Variants in STRN3 observed in about 807,000 individuals in gnomAD.
STRN3 encodes the protein striatin 3, also known as striatin-3.
Under a neutral mutation model 95.6 loss-of-function variants are expected in STRN3, and 29 were observed. The ratio of observed to expected loss-of-function variants is 0.30; its 90% CI spans 0.23 to 0.41. The LOEUF (loss-of-function observed/expected upper bound fraction) is 0.41, where lower values mean the gene tolerates loss of function less well. Ranked by LOEUF, STRN3 falls within the 10% of genes least tolerant of loss-of-function variation. STRN3 has a pLI of 1.00. For missense variants in STRN3, 890 were observed against 972.1 expected, an observed-to-expected ratio of 0.92 and a Z score of 1.12; for synonymous variants, 331 against 357.6, an observed-to-expected ratio of 0.93 and a Z score of 0.84.
chr14:31,010,602 T>C (rs1882927046), intron 1 of STRN3, among the ~76,000 whole-genome samples: 1 of 152,150 alleles, frequency 6.6e-6, no homozygotes, highest in African/African-American at 2.4e-5. Context: ...TTTTTTCATA[T>C]AGCTGATTTA....
rs762540994 is a variant in STRN3, at chr14:30,919,088, A to G, written c.1118T>C (p.Leu373Pro). 15 of 1,607,200 alleles carry G rather than the reference A, an allele frequency of 9.3e-6. No individual in the cohort carries two copies. The highest frequency in any genetic ancestry group is 1.3e-5 in the Non-Finnish European group (15 of 1,175,978). Residue 373 changes from leucine (L) to proline (P), a missense_variant, in exon 9 of 18, where the codon CTC becomes CCC. By Grantham distance (98) the Leu-to-Pro change is moderately conservative (BLOSUM62 -3). Around this residue, in one of 3 missense-constraint regions of STRN3, gnomAD observed 526 missense variants for 526.3 expected, o/e 1.00. Coordinates refer to ENST00000357479, the MANE Select transcript of STRN3 (RefSeq NM_001083893.2). ...TCCCAGATCAGCTATCATGTCGTAG[A>G]GTTTTGTCCTGTTGGCCCCTGTAAA... ...KGVKRANRTK[L>P]YDMIADLGDD... is the part of the protein sequence containing the mutation.
Position 30,914,082 on chromosome 14 carries a change from A to AT in STRN3, c.1241-426dup, listed in dbSNP as rs560361189. Among the ~76,000 whole-genome samples, 25 of 152,300 alleles carry AT rather than the reference A, an allele frequency of 1.6e-4. No homozygotes were observed. The South Asian group carries it at 5.0e-3, about 30-fold the overall frequency. On this transcript the variant is annotated intron_variant, in intron 9 of 17. Coordinates refer to ENST00000357479, the MANE Select transcript of STRN3 (RefSeq NM_001083893.2). ...AAGGACCTCAAAGTAGTCATATAGTATTTTTTAAATGTTAATAGGTTGTCA... is the reference window on the plus strand; with the variant it reads ...AAGGACCTCAAAGTAGTCATATAGTATTTTTTTAAATGTTAATAGGTTGTCA...
intron 7 of STRN3, 63 bp downstream of exon 7, chr14:30,935,100 T>G (rs1878752374): frequency 6.3e-7 from 1 of 1,579,348 alleles, no homozygotes; most frequent in African/African-American, 1.4e-5. Flanking sequence ...CATATAATAT[T>G]TAATAATAAC....
intron 1 of STRN3, among the ~76,000 whole-genome samples, chr14:31,009,241 G>A (rs1318002824): frequency 1.3e-5 from 2 of 151,986 alleles, no homozygotes; most frequent in Admixed American, 6.6e-5. Flanking sequence ...AGATGACATA[G>A]CTATACACAC....
chr14:31,001,164 TATC>T (rs1419552477), intron 1 of STRN3, among the ~76,000 whole-genome samples: 1 of 152,174 alleles, frequency 6.6e-6, no homozygotes, highest in Non-Finnish European at 1.5e-5. Context: ...GAGCAGGTGA[TATC>T]ATATGAAACT....
intron 13 of STRN3, among the ~76,000 whole-genome samples, chr14:30,909,479 GA>G (rs1021347141): frequency 1.3e-5 from 2 of 149,872 alleles, no homozygotes; most frequent in African/African-American, 4.9e-5. Context: ...TTCCAAAAAA[GA>G]AAGAGAGAGA....
At chr14:30,967,922 G>C (rs1880614545) in intron 1 of STRN3, among the ~76,000 whole-genome samples, 2 of 152,124 alleles carry the variant, frequency 1.3e-5, no homozygotes, top group Non-Finnish European at 2.9e-5. Context: ...CGGGTGACTG[G>C]GGTGGTGGGG....
chr14:31,003,585 T>A (rs889526675), intron 1 of STRN3, among the ~76,000 whole-genome samples: 1 of 152,088 alleles, frequency 6.6e-6, no homozygotes, highest in Non-Finnish European at 1.5e-5. Context: ...TCTCTCGCCA[T>A]GCAATCTCTG....
intron 1 of STRN3, among the ~76,000 whole-genome samples, chr14:30,972,203 C>A (rs1257100681): frequency 6.6e-6 from 1 of 152,222 alleles, no homozygotes; most frequent in Non-Finnish European, 1.5e-5. Context: ...CACCCTGACT[C>A]ACCTGCTCCA....
At position 30,967,578 on chromosome 14, in the gene STRN3, C is replaced by T. The variant is rs991263964; in HGVS notation, c.283-11336G>A. Among the ~76,000 whole-genome samples the T allele has an allele frequency of 7.9e-5, 12 of 152,334 alleles. No individual in the cohort carries two copies. In the South Asian group the frequency reaches 1.7e-3, roughly 21 times the overall value. On this transcript the variant is annotated intron_variant, in intron 1 of 17. Coordinates refer to ENST00000357479, the MANE Select transcript of STRN3 (RefSeq NM_001083893.2). ...TAGCCTTCCTATCAAAAATCCTTAA[C>T]CCAGTAACCCGCGGATGGCCCAAAT...
At chr14:30,975,836 TA>T (rs528570710) in intron 1 of STRN3, among the ~76,000 whole-genome samples, 11,549 of 112,964 alleles carry the variant, frequency 0.1, 509 homozygotes, top group South Asian at 0.18. Flanking sequence ...CCTGGCTCTT[TA>T]AAAAAAAAAA....
chr14:30,979,652 T>C (rs920268164), intron 1 of STRN3, among the ~76,000 whole-genome samples: 4 of 152,058 alleles, frequency 2.6e-5, no homozygotes, highest in African/African-American at 9.7e-5. Context: ...CAGGCTGGAG[T>C]GCAGTGGCAC....
chr14:30,961,218 G>C (rs1238088900), intron 1 of STRN3, among the ~76,000 whole-genome samples: 2 of 151,960 alleles, frequency 1.3e-5, no homozygotes, highest in Non-Finnish European at 2.9e-5. Context: ...CAAAGAATAG[G>C]CAACACAAAG....
intron 15 of STRN3, among the ~76,000 whole-genome samples, chr14:30,904,954 C>T (rs1349220988): frequency 2.8e-5 from 4 of 141,412 alleles, no homozygotes; most frequent in African/African-American, 1.1e-4. Flanking sequence ...TAGCCAATTT[C>T]GTCAATTAAA....
chr14:30,925,457 T>C (rs1248667668), intron 8 of STRN3, among the ~76,000 whole-genome samples: 7 of 152,050 alleles, frequency 4.6e-5, no homozygotes, highest in African/African-American at 9.7e-5. Flanking sequence ...AGTTAGCAAA[T>C]AGTTTTCTTC....
intron 3 of STRN3, among the ~76,000 whole-genome samples, chr14:30,952,611 G>A (rs1337495708): frequency 6.6e-6 from 1 of 151,710 alleles, no homozygotes; most frequent in Non-Finnish European, 1.5e-5. Flanking sequence ...GAGGTGGGAG[G>A]ATTGCATGAG....
chr14:30,973,839 G>A (rs915630559), intron 1 of STRN3, among the ~76,000 whole-genome samples: 4 of 152,152 alleles, frequency 2.6e-5, no homozygotes, highest in African/African-American at 9.7e-5. Context: ...AGCAATGTAA[G>A]AAAGTACATT....
Position 30,894,795 on chromosome 14 carries a change from G to C in STRN3, c.*616C>G, listed in dbSNP as rs1478853414. The C allele has an allele frequency of 6.9e-6, 2 of 291,024 alleles. No homozygotes were observed. The highest frequency in any genetic ancestry group is 1.2e-5 in the Non-Finnish European group (2 of 165,328). 18.0% of individuals were successfully genotyped at this position (291,024 alleles called of 1,614,324 possible). Reference sequence around the variant, plus strand: ...TCAATACAATCTTGAGCACTGTTGTGACAGGCTAAATATATAAAAAGACTT... The same window carrying C: ...TCAATACAATCTTGAGCACTGTTGTCACAGGCTAAATATATAAAAAGACTT... On this transcript the variant is annotated 3_prime_UTR_variant, in exon 18 of 18. Coordinates refer to ENST00000357479, the MANE Select transcript of STRN3 (RefSeq NM_001083893.2).
chr14:30,905,968 C>A (rs1896450888), intron 14 of STRN3, among the ~76,000 whole-genome samples: 1 of 152,184 alleles, frequency 6.6e-6, no homozygotes, highest in Non-Finnish European at 1.5e-5. Flanking sequence ...TATCAGAGAT[C>A]TGTAGGCCTT....
Sources: allele counts gnomAD v4.1 joint callset (sites outside exome capture counted in the v4.1 genomes callset), GRCh38; gene constraint gnomAD v4.1.1; regional missense constraint gnomAD v4.1.1; transcripts MANE v1.5; gene names NCBI Gene and HGNC (gene_info 2026-07-23, HGNC 2026-07-21).